Variants in ESR1 observed in about 807,000 individuals in gnomAD.
ESR1 encodes the protein estrogen receptor.
In ESR1, 12 loss-of-function variants were observed where a neutral mutation model predicts 52.7. The ratio of observed to expected loss-of-function variants is 0.23; its 90% CI spans 0.15 to 0.37. ESR1 has a LOEUF of 0.37. ESR1 is among the 10% of genes least tolerant of loss of function. The pLI is 1.00. For synonymous variants in ESR1, 305 were observed against 316.8 expected, an observed-to-expected ratio of 0.96 and a Z score of 0.39; for missense variants, 584 against 779.7, an observed-to-expected ratio of 0.75 and a Z score of 2.99.
chr6:151,814,041 G>A (rs1383267539), intron 1 of ESR1: 1 of 152,142 alleles, frequency 6.6e-6, no homozygotes, highest in East Asian at 1.9e-4. Flanking sequence ...TTCCAGTTCT[G>A]TCTTCCATCC....
intron 1 of ESR1, among the ~76,000 whole-genome samples, chr6:151,816,044 A>G (rs1779582771): frequency 6.6e-6 from 1 of 152,222 alleles, no homozygotes; most frequent in African/African-American, 2.4e-5. Flanking sequence ...GGCATGAGTT[A>G]CAATGCTGTT....
intron 4 of ESR1, among the ~76,000 whole-genome samples, chr6:151,948,743 T>G (rs1004131695): frequency 5.3e-5 from 8 of 152,144 alleles, no homozygotes; most frequent in Non-Finnish European, 1.0e-4. Flanking sequence ...TTTCTGGACA[T>G]GTCTCCCACC....
Position 152,061,240 on chromosome 6 carries a change from G to A in ESR1, c.1369+116G>A. The A allele has an allele frequency of 9.7e-7, 1 of 1,029,134 alleles. No homozygotes were observed. The highest frequency in any genetic ancestry group is 1.8e-5 in the Admixed American group (1 of 56,114). 63.8% of individuals were successfully genotyped at this position (1,029,134 alleles called of 1,614,324 possible). A position where few individuals can be genotyped will look rare whatever the true frequency, so the allele number is the denominator to read the frequency against. On this transcript the variant is annotated intron_variant, in intron 6 of 7. Transcript: ENST00000206249. This position sits in a 1 kb window ranked among gnomAD's most constrained non-coding sequence, Gnocchi z 4.3. ...ATGTCATAAATAGAAAGAAACTACT[G>A]ACACACGTTTTAAAATAACCTACCA... is the stretch of plus-strand genomic sequence containing the variant.
At chr6:151,689,643 T>A (rs1289499132), upstream of ESR1, among the ~76,000 whole-genome samples, 1 of 152,196 alleles carries the variant, frequency 6.6e-6, no homozygotes, top group Admixed American at 6.5e-5. Context: ...ACTTGGCAGG[T>A]GTTCCTCTGT....
At chr6:151,745,713 G>A (rs1783432730) in intron 2 of ESR1, among the ~76,000 whole-genome samples, 1 of 152,012 alleles carries the variant, frequency 6.6e-6, no homozygotes, top group Admixed American at 6.5e-5. Context: ...GGTAAAACTA[G>A]AAGTCATTAA....
intron 2 of ESR1, among the ~76,000 whole-genome samples, chr6:151,761,138 A>G (rs1268607028): frequency 6.6e-6 from 1 of 152,048 alleles, no homozygotes; most frequent in Non-Finnish European, 1.5e-5. Context: ...CCCACTACTA[A>G]TTATTCAACA....
upstream of ESR1, among the ~76,000 whole-genome samples, chr6:151,688,034 T>C (rs1289849043): frequency 6.6e-6 from 1 of 152,234 alleles, no homozygotes; most frequent in Admixed American, 6.5e-5. Flanking sequence ...TTCAACCTAA[T>C]TGTCTAATAG....
chr6:152,015,706 C>T (rs1360261360), intron 5 of ESR1, among the ~76,000 whole-genome samples: 3 of 152,170 alleles, frequency 2.0e-5, no homozygotes, highest in East Asian at 3.9e-4. Context: ...ATCAATTCCC[C>T]ACTTATTCTT....
intron 5 of ESR1, among the ~76,000 whole-genome samples, chr6:152,060,472 A>G (rs760800039): frequency 1.2e-4 from 19 of 152,126 alleles, no homozygotes; most frequent in Admixed American, 6.6e-5. Context: ...TGCAATACCA[A>G]TGGGCTCAGC....
At chr6:152,059,871 C>G (rs1318465137) in intron 5 of ESR1, among the ~76,000 whole-genome samples, 1 of 152,092 alleles carries the variant, frequency 6.6e-6, no homozygotes, top group African/African-American at 2.4e-5. Context: ...TCAGTGAAGA[C>G]ATATTGAGCT....
At chr6:152,084,704 G>GAAAAA (rs34421368) in intron 6 of ESR1, among the ~76,000 whole-genome samples, 8 of 122,756 alleles carry the variant, frequency 6.5e-5, no homozygotes, top group African/African-American at 2.3e-4. Context: ...GCTTTTAATT[G>GAAAAA]AAAAAAAAAA....
rs7765271 is a variant in ESR1, at chr6:151,992,441, A to G, written c.1097-19215A>G. Among the ~76,000 whole-genome samples, 1,481 of 152,312 alleles carry G rather than the reference A, an allele frequency of 9.7e-3. 28 individuals are homozygous for G. The highest frequency in any genetic ancestry group is 0.034 in the African/African-American group (1,425 of 41,560). ...TTGTGCCTGGCTTATTTCACTTGAC[A>G]TAATGTTTTCAAGGTTCTTTTATGT... On this transcript the variant is annotated intron_variant, in intron 4 of 7. Coordinates refer to ENST00000206249, the MANE Select transcript of ESR1 (RefSeq NM_000125.4).
chr6:151,866,648 G>A (rs1789963335), intron 2 of ESR1, among the ~76,000 whole-genome samples: 2 of 152,150 alleles, frequency 1.3e-5, no homozygotes, highest in South Asian at 2.1e-4. Context: ...CCCTATAAAG[G>A]ACATGATTGC....
chr6:151,925,128 T>TTTTGTTTGTTTGTTTG lies in ESR1; in HGVS notation c.761-19041_761-19026dup, dbSNP rs560240212. ...CATAACCTCCCCAGCATCTGGTTTT[T>TTTTGTTTGTTTGTTTG]TTTGTTTGTTTGTTTGTTTTTTTAG... On this transcript the variant is annotated intron_variant, in intron 3 of 7. Coordinates refer to ENST00000206249, the MANE Select transcript of ESR1 (RefSeq NM_000125.4). Among the ~76,000 whole-genome samples, 16 of 149,270 alleles carry TTTTGTTTGTTTGTTTG rather than the reference T, an allele frequency of 1.1e-4. No individual in the cohort carries two copies. In the South Asian group the frequency reaches 2.0e-3, roughly 19 times the overall value.
At chr6:151,756,756 G>A (rs1196591523) in intron 2 of ESR1, among the ~76,000 whole-genome samples, 2 of 152,170 alleles carry the variant, frequency 1.3e-5, no homozygotes, top group African/African-American at 2.4e-5. Context: ...TTGGGAGGCC[G>A]AGGCGGGCAG....
chr6:151,933,468 C>G (rs2128491809), intron 3 of ESR1, among the ~76,000 whole-genome samples: 1 of 150,256 alleles, frequency 6.7e-6, no homozygotes. Flanking sequence ...CCTAATTGCC[C>G]TGGCCAGAAC....
At chr6:151,949,610 G>A (rs575733473) in intron 4 of ESR1, among the ~76,000 whole-genome samples, 78 of 152,366 alleles carry the variant, frequency 5.1e-4, no homozygotes, top group Non-Finnish European at 1.0e-3. Context: ...GATTGGGCTG[G>A]AATCGCCCTA....
intron 2 of ESR1, among the ~76,000 whole-genome samples, chr6:151,781,578 A>G (rs1029976886): frequency 3.9e-5 from 6 of 152,218 alleles, no homozygotes; most frequent in African/African-American, 1.2e-4. Context: ...TTGACTCCCA[A>G]TCCAGAATGT....
At chr6:152,009,874 A>T (rs1355265254) in intron 4 of ESR1, among the ~76,000 whole-genome samples, 1 of 152,214 alleles carries the variant, frequency 6.6e-6, no homozygotes, top group African/African-American at 2.4e-5. Flanking sequence ...TATAGGACAT[A>T]TCCATGCAAT....
Sources: allele counts gnomAD v4.1 joint callset (sites outside exome capture counted in the v4.1 genomes callset), GRCh38; gene constraint gnomAD v4.1.1; non-coding constraint Gnocchi (gnomAD v3.1); transcripts MANE v1.5; gene names NCBI Gene and HGNC (gene_info 2026-07-23, HGNC 2026-07-21).